The following HOMER1 variants were observed in gnomAD, a reference collection of about 807,000 sequenced individuals.
The protein encoded by HOMER1 is homer scaffold protein 1, also known as homer protein homolog 1.
A neutral mutation model predicts 48.9 loss-of-function variants in HOMER1; 3 were observed. That is an observed-to-expected ratio of 0.06 (90% CI 0.03 to 0.16). The LOEUF (loss-of-function observed/expected upper bound fraction) is 0.16. Ranked by LOEUF, HOMER1 falls within the 10% of genes least tolerant of loss-of-function variation. The pLI is 1.00. For synonymous variants in HOMER1, 134 were observed against 146.4 expected (o/e 0.92, Z 0.61); for missense variants, 247 against 411.4 (o/e 0.60, Z 3.46).
chr5:79,480,296 T>TTA (rs146876453), intron 1 of HOMER1, among the ~76,000 whole-genome samples: 7,251 of 152,196 alleles, frequency 0.048, 196 homozygotes, highest in Middle Eastern at 0.075. Flanking sequence ...TGTAAACACC[T>TTA]TATATATATA....
chr5:79,497,956 T>C lies in HOMER1; in HGVS notation c.5+14814A>G, dbSNP rs111290244. 1.8e-3 allele frequency among the ~76,000 whole-genome samples: 267 copies of C among 152,248 alleles called. 2 individuals carry two copies. Among genetic ancestry groups the C allele is most frequent in the African/African-American group, 6.1e-3 (253 of 41,554 alleles). On this transcript the variant is annotated intron_variant, in intron 1 of 8. Transcript: ENST00000334082. ...AGACCCACTGCATCAAAAACTCTGGTGGTAAAGGAAGTCCAGCAACCTGTG... is the reference window on the plus strand; with the variant it reads ...AGACCCACTGCATCAAAAACTCTGGCGGTAAAGGAAGTCCAGCAACCTGTG...
intron 1 of HOMER1, among the ~76,000 whole-genome samples, chr5:79,466,370 G>T (rs1751464268): frequency 6.6e-6 from 1 of 151,958 alleles, no homozygotes; most frequent in Non-Finnish European, 1.5e-5. Context: ...AGCCGGGCAT[G>T]GTGGCGCACA....
chr5:79,394,957 G>A (rs1749344585), intron 8 of HOMER1, among the ~76,000 whole-genome samples: 2 of 152,176 alleles, frequency 1.3e-5, no homozygotes, highest in African/African-American at 4.8e-5. Context: ...CAATGTAAAT[G>A]TGTATATAAC....
intron 2 of HOMER1, among the ~76,000 whole-genome samples, chr5:79,451,807 C>T (rs1046378284): frequency 6.6e-6 from 1 of 151,710 alleles, no homozygotes; most frequent in African/African-American, 2.4e-5. Flanking sequence ...CTGATCTGCC[C>T]GCCTCGGCCT....
At chr5:79,444,082 A>G (rs1462261730) in intron 4 of HOMER1, among the ~76,000 whole-genome samples, 4 of 152,214 alleles carry the variant, frequency 2.6e-5, no homozygotes, top group Non-Finnish European at 4.4e-5. Context: ...CCTATTATCA[A>G]TTACCCCACT....
chr5:79,426,967 GTTAA>G (rs977617534), intron 5 of HOMER1, among the ~76,000 whole-genome samples: 5 of 151,964 alleles, frequency 3.3e-5, no homozygotes, highest in African/African-American at 1.2e-4. Flanking sequence ...AAAAAATTGG[GTTAA>G]TTTAGTGACT....
At chr5:79,445,423 A>C in intron 4 of HOMER1, among the ~76,000 whole-genome samples, 1 of 152,210 alleles carries the variant, frequency 6.6e-6, no homozygotes, top group East Asian at 1.9e-4. Flanking sequence ...ATACAGTAAA[A>C]CCACTGTATT....
intron 8 of HOMER1, among the ~76,000 whole-genome samples, chr5:79,379,430 ATATTTATTATATATT>A (rs1561340790): frequency 9.4e-5 from 11 of 116,952 alleles, no homozygotes; most frequent in Non-Finnish European, 1.3e-4. Flanking sequence ...TATATATTAT[ATATTTATTATATATT>A]TATATAATAT....
At chr5:79,383,177 T>C (rs1037130606) in intron 8 of HOMER1, among the ~76,000 whole-genome samples, 1 of 152,114 alleles carries the variant, frequency 6.6e-6, no homozygotes, top group African/African-American at 2.4e-5. Context: ...CAAGAGGATA[T>C]ATACGTTCCC....
At chr5:79,425,984 A>C (rs1233622681) in intron 5 of HOMER1, among the ~76,000 whole-genome samples, 2 of 151,976 alleles carry the variant, frequency 1.3e-5, no homozygotes, top group Non-Finnish European at 2.9e-5. Flanking sequence ...CTATGAAGGG[A>C]ACCTTTCTCC....
At chr5:79,455,964 G>A (rs1236414566) in intron 2 of HOMER1, among the ~76,000 whole-genome samples, 1 of 152,096 alleles carries the variant, frequency 6.6e-6, no homozygotes, top group East Asian at 1.9e-4. Flanking sequence ...AGACCAGCCT[G>A]GCCAACATGG....
At chr5:79,423,492 T>A (rs1750160186) in intron 5 of HOMER1, among the ~76,000 whole-genome samples, 1 of 152,170 alleles carries the variant, frequency 6.6e-6, no homozygotes, top group East Asian at 1.9e-4. Flanking sequence ...GGAAGGAATT[T>A]CAGTAATTTT....
intron 4 of HOMER1, among the ~76,000 whole-genome samples, chr5:79,439,458 A>C (rs1256384170): frequency 6.6e-6 from 1 of 152,226 alleles, no homozygotes; most frequent in Non-Finnish European, 1.5e-5. Flanking sequence ...GGTTTATTTA[A>C]CTAATTGGTC....
chr5:79,457,101 G>T, intron 1 of HOMER1, 83 bp from the exon 2 acceptor site: 1 of 1,293,908 alleles, frequency 7.7e-7, no homozygotes, highest in Non-Finnish European at 1.1e-6. Context: ...CTGCAAGGAT[G>T]ATTCTGCTTA....
At chr5:79,407,564 T>G (rs185370569) in intron 5 of HOMER1, among the ~76,000 whole-genome samples, 359 of 152,298 alleles carry the variant, frequency 2.4e-3, no homozygotes, top group African/African-American at 8.3e-3. Context: ...AGAATGCCTT[T>G]GACAGGCTCA....
At chr5:79,459,029 T>G (rs1447684024) in intron 1 of HOMER1, among the ~76,000 whole-genome samples, 2 of 152,336 alleles carry the variant, frequency 1.3e-5, no homozygotes, top group Admixed American at 1.3e-4. Flanking sequence ...CAGGGACATC[T>G]AATCATACAC....
intron 1 of HOMER1, among the ~76,000 whole-genome samples, chr5:79,497,755 A>G (rs1217064227): frequency 6.6e-6 from 1 of 152,076 alleles, no homozygotes; most frequent in East Asian, 1.9e-4. Flanking sequence ...AGGGGCAGCA[A>G]GCAAGCAAGC....
intron 5 of HOMER1, among the ~76,000 whole-genome samples, chr5:79,407,427 G>C (rs909539996): frequency 1.3e-5 from 2 of 152,190 alleles, no homozygotes; most frequent in African/African-American, 4.8e-5. Context: ...AGATAGCAAT[G>C]TTAAAGGTGT....
At position 79,375,401 on chromosome 5, in the gene HOMER1, A is replaced by G. The variant is rs958001086; in HGVS notation, c.*608T>C. 5.3e-5 allele frequency: 8 copies of G among 152,132 alleles called. No individual in the cohort carries two copies. The highest frequency in any genetic ancestry group is 7.4e-5 in the Non-Finnish European group (5 of 67,968). 9.4% of individuals were successfully genotyped at this position (152,132 alleles called of 1,614,324 possible). A position where few individuals can be genotyped will look rare whatever the true frequency, so the allele number is the denominator to read the frequency against. On this transcript the variant is annotated 3_prime_UTR_variant, in exon 9 of 9. Coordinates refer to ENST00000334082, the MANE Select transcript of HOMER1 (RefSeq NM_004272.5). ...GTACCAGAGTAGTCACCAGAGTGAA[A>G]TATCTTCCAGCACAAAAAAGGGAAG...
Sources: allele counts gnomAD v4.1 joint callset (sites outside exome capture counted in the v4.1 genomes callset), GRCh38; gene constraint gnomAD v4.1.1; transcripts MANE v1.5; gene names NCBI Gene and HGNC (gene_info 2026-07-23, HGNC 2026-07-21).